Variants in MRTFB observed in about 807,000 individuals in gnomAD.
MRTFB encodes myocardin-related transcription factor B.
Under a neutral mutation model 104.2 loss-of-function variants are expected in MRTFB, and 29 were observed. That is an observed-to-expected ratio of 0.28 (90% confidence interval 0.21 to 0.38). MRTFB has a LOEUF of 0.38. MRTFB is among the 10% of genes least tolerant of loss of function. The pLI, the probability that MRTFB is intolerant of heterozygous loss-of-function variation, is 1.00. For missense variants in MRTFB, 1,270 were observed against 1,341.6 expected (o/e 0.95, Z 0.83); for synonymous variants, 535 against 519.5 (o/e 1.03, Z -0.41).
chr16:14,119,100 A>G (rs545104417), intron 2 of MRTFB, among the ~76,000 whole-genome samples: 28 of 152,236 alleles, frequency 1.8e-4, no homozygotes, highest in Non-Finnish European at 3.7e-4. Context: ...TAAATATAAT[A>G]GAATTTAATT....
At chr16:14,047,466 A>T in the MRTFB span, among the ~76,000 whole-genome samples, 1 of 152,228 alleles carries the variant, frequency 6.6e-6, no homozygotes, top group Non-Finnish European at 1.5e-5. Context: ...CTGGGTGGTC[A>T]CTAAGGAGAA....
At position 14,206,044 on chromosome 16, in the gene MRTFB, G is replaced by C. The variant is rs540625574; in HGVS notation, c.155-4199G>C. On this transcript the variant is annotated intron_variant, in intron 3 of 16. Coordinates refer to ENST00000571589, the MANE Select transcript of MRTFB (RefSeq NM_001308142.2). The stretch of plus-strand genomic sequence containing the variant: ...GTTGTGCAAGGCTGAGTGACATTCA[G>C]TGGTCTAAGCCTTTTTTCCCCTCCA... Among the ~76,000 whole-genome samples the C allele has an allele frequency of 1.2e-3, 54 of 46,722 alleles. 1 individual carries two copies. Among genetic ancestry groups the C allele is most frequent in the African/African-American group, 4.4e-3 (47 of 10,804 alleles). 30.7% of individuals were successfully genotyped at this position (46,722 alleles called of 152,430 possible).
upstream of MRTFB, among the ~76,000 whole-genome samples, chr16:14,067,889 T>G (rs1244952117): frequency 1.3e-5 from 2 of 152,166 alleles, no homozygotes; most frequent in Non-Finnish European, 2.9e-5. Flanking sequence ...TGGAGTGCAG[T>G]GGTGTAATCT....
chr16:14,049,858 G>A, the MRTFB span, among the ~76,000 whole-genome samples: 6 of 152,120 alleles, frequency 3.9e-5, no homozygotes, highest in African/African-American at 9.7e-5. Context: ...TCAGCCTCCC[G>A]AGTAGGTGGT....
chr16:14,133,042 A>G (rs1276642138), intron 2 of MRTFB, among the ~76,000 whole-genome samples: 1 of 152,236 alleles, frequency 6.6e-6, no homozygotes, highest in Non-Finnish European at 1.5e-5. Flanking sequence ...TATATCAGGT[A>G]TGGGTGAGAA....
upstream of MRTFB, among the ~76,000 whole-genome samples, chr16:14,070,854 G>T (rs558841527): frequency 1.3e-5 from 2 of 152,338 alleles, no homozygotes; most frequent in Admixed American, 1.3e-4. Context: ...GTGTGACATG[G>T]AGCCATTACT....
chr16:14,148,379 T>G (rs1348867164), intron 3 of MRTFB, among the ~76,000 whole-genome samples: 1 of 152,176 alleles, frequency 6.6e-6, no homozygotes, highest in Non-Finnish European at 1.5e-5. Context: ...TTCTCTACCA[T>G]ACCTATAAAA....
chr16:14,194,682 ATTTC>A (rs1281463942), intron 3 of MRTFB, among the ~76,000 whole-genome samples: 2 of 148,372 alleles, frequency 1.3e-5, no homozygotes, highest in East Asian at 4.0e-4. Context: ...ATTAGGAAGT[ATTTC>A]TTTTTGTATG....
intron 3 of MRTFB, among the ~76,000 whole-genome samples, chr16:14,183,086 G>A (rs189847029): frequency 4.7e-4 from 71 of 152,158 alleles, no homozygotes; most frequent in Non-Finnish European, 5.9e-4. Flanking sequence ...GAATAATTTC[G>A]CCATGGAGAA....
intron 13 of MRTFB, among the ~76,000 whole-genome samples, chr16:14,251,534 C>T (rs145794042): frequency 2.6e-5 from 4 of 152,318 alleles, no homozygotes; most frequent in Admixed American, 2.0e-4. Flanking sequence ...CAAGTTACTG[C>T]GTAAAGGGAC....
At chr16:14,023,776 C>T in the MRTFB span, among the ~76,000 whole-genome samples, 162 of 152,006 alleles carry the variant, frequency 1.1e-3, no homozygotes, top group Middle Eastern at 6.9e-3. Flanking sequence ...AAGGGCTGGG[C>T]GTGGTTGCTC....
intron 8 of MRTFB, among the ~76,000 whole-genome samples, chr16:14,231,957 C>T (rs139640815): frequency 1.3e-5 from 2 of 152,266 alleles, no homozygotes; most frequent in African/African-American, 4.8e-5. Flanking sequence ...TTGTGTTATG[C>T]TGGAGTCTGG....
intron 2 of MRTFB, among the ~76,000 whole-genome samples, chr16:14,091,003 T>C (rs2035028012): frequency 6.6e-6 from 1 of 151,778 alleles, no homozygotes; most frequent in East Asian, 1.9e-4. Context: ...TATAGACAGT[T>C]GGGTGTGTCC....
At chr16:14,196,973 T>TC (rs1200619607) in intron 3 of MRTFB, among the ~76,000 whole-genome samples, 150 of 140,908 alleles carry the variant, frequency 1.1e-3, no homozygotes, top group Non-Finnish European at 2.0e-3. Context: ...TCTTTTTTTT[T>TC]TTTTTTTTTT....
At chr16:14,243,077 G>A (rs983217951) in intron 10 of MRTFB, among the ~76,000 whole-genome samples, 11 of 151,956 alleles carry the variant, frequency 7.2e-5, no homozygotes, top group African/African-American at 2.2e-4. Flanking sequence ...AGGCTCTTTC[G>A]GGGGACAATA....
intron 2 of MRTFB, among the ~76,000 whole-genome samples, chr16:14,129,789 G>A (rs564586345): frequency 1.0e-3 from 159 of 152,120 alleles, no homozygotes; most frequent in Non-Finnish European, 2.5e-4. Flanking sequence ...ACATTTATTC[G>A]TGTCCTCATT....
At chr16:14,243,045 GAT>G (rs1230217224) in intron 10 of MRTFB, among the ~76,000 whole-genome samples, 6 of 152,078 alleles carry the variant, frequency 3.9e-5, no homozygotes, top group Non-Finnish European at 8.8e-5. Context: ...TGGGGAGAGA[GAT>G]GTGGAGAAAA....
chr16:14,152,889 CA>C (rs2038683032), intron 3 of MRTFB: 2 of 152,050 alleles, frequency 1.3e-5, no homozygotes, highest in African/African-American at 4.8e-5. Flanking sequence ...CCTATACAAT[CA>C]AAAATTTCTT....
At chr16:14,015,217 G>T in the MRTFB span, among the ~76,000 whole-genome samples, 1 of 152,212 alleles carries the variant, frequency 6.6e-6, no homozygotes, top group South Asian at 2.1e-4. Context: ...AGGTGTCTCT[G>T]CATGGCTGAA....
Sources: gnomAD v4.1 joint callset for allele counts (sites outside exome capture counted in the v4.1 genomes callset) on GRCh38, gnomAD v4.1.1 for gene constraint, MANE v1.5 for transcripts, NCBI Gene and HGNC (gene_info 2026-07-23, HGNC 2026-07-21) for gene names.